Variants in PDS5A observed in about 807,000 individuals in gnomAD.
PDS5A encodes the protein sister chromatid cohesion protein PDS5 homolog A.
In PDS5A, 42 loss-of-function variants were observed where a neutral mutation model predicts 167.1. The ratio of observed to expected loss-of-function variants is 0.25; its 90% confidence interval spans 0.20 to 0.33. The LOEUF (loss-of-function observed/expected upper bound fraction) is 0.33. Among genes scored for constraint, PDS5A ranks in the 10% least tolerant of loss-of-function variants. PDS5A has a pLI of 1.00. For missense variants in PDS5A, 1,033 were observed against 1,605.9 expected, an observed-to-expected ratio of 0.64 and a Z score of 6.10; for synonymous variants, 553 against 554.6, an observed-to-expected ratio of 1.00 and a Z score of 0.04.
intron 2 of PDS5A, 80 bp from the exon 3 acceptor site, chr4:39,928,244 A>C: frequency 1.1e-6 from 1 of 906,866 alleles, no homozygotes; most frequent in Non-Finnish European, 1.7e-6. Context: ...AAAAAAAAAA[A>C]AGTCATCTCC....
chr4:39,869,866 G>T (rs931840885), intron 21 of PDS5A, among the ~76,000 whole-genome samples: 1 of 152,158 alleles, frequency 6.6e-6, no homozygotes, highest in Admixed American at 6.5e-5. Flanking sequence ...CAGCACTATG[G>T]GGGGATGAGG....
intron 2 of PDS5A, among the ~76,000 whole-genome samples, chr4:39,972,080 A>G (rs1461587055): frequency 3.3e-5 from 5 of 152,224 alleles, no homozygotes; most frequent in Non-Finnish European, 5.9e-5. Context: ...AAAAGAACTC[A>G]TAACAAATGG....
At chr4:39,943,123 TACACACACACACACACACACACACACAC>T (rs35361618) in intron 2 of PDS5A, among the ~76,000 whole-genome samples, 2 of 144,932 alleles carry the variant, frequency 1.4e-5, no homozygotes, top group Middle Eastern at 3.5e-3. Flanking sequence ...ACTATGCAAA[TACACACACACACACACACACACACACAC>T]ACACACACAC....
At chr4:39,970,832 C>G (rs140623714) in intron 2 of PDS5A, among the ~76,000 whole-genome samples, 1 of 135,620 alleles carries the variant, frequency 7.4e-6, no homozygotes, top group Non-Finnish European at 1.5e-5. Flanking sequence ...AGGTCTCACT[C>G]GGTCACCCAG....
At chr4:39,896,259 T>C (rs1722401697) in intron 16 of PDS5A, among the ~76,000 whole-genome samples, 1 of 150,088 alleles carries the variant, frequency 6.7e-6, no homozygotes, top group Admixed American at 6.7e-5. Flanking sequence ...TTGCCCAGGT[T>C]GGTCTCAAAT....
chr4:39,957,329 A>G (rs1260945091), intron 2 of PDS5A, among the ~76,000 whole-genome samples: 2 of 152,064 alleles, frequency 1.3e-5, no homozygotes, highest in Non-Finnish European at 2.9e-5. Context: ...GAAAAAAAAG[A>G]AAAAGAAAAA....
chr4:39,850,773 T>C (rs1208555745), intron 26 of PDS5A, among the ~76,000 whole-genome samples: 1 of 152,202 alleles, frequency 6.6e-6, no homozygotes, highest in Non-Finnish European at 1.5e-5. Context: ...GAAGGGAACA[T>C]TTGAATTTCT....
chr4:39,839,320 C>T (rs1452835832), intron 31 of PDS5A, among the ~76,000 whole-genome samples: 1 of 151,816 alleles, frequency 6.6e-6, no homozygotes, highest in African/African-American at 2.4e-5. Flanking sequence ...GGCTGTAATC[C>T]CAGCACTTTG....
intron 19 of PDS5A, 109 bp from the exon 20 acceptor site, chr4:39,874,521 T>G: frequency 6.0e-6 from 5 of 839,330 alleles, no homozygotes; most frequent in Non-Finnish European, 9.3e-6. Context: ...TAGAGAAGGC[T>G]CTCTTAAAAA....
At chr4:39,825,510 CAA>C in intron 32 of PDS5A, 22 bp from the exon 33 acceptor site, 1 of 1,551,260 alleles carries the variant, frequency 6.4e-7, no homozygotes, top group South Asian at 1.2e-5. Context: ...GAATAGAACG[CAA>C]AGTTAGAAAA....
At chr4:39,948,068 A>ATTT (rs1560508917) in intron 2 of PDS5A, among the ~76,000 whole-genome samples, 9 of 152,076 alleles carry the variant, frequency 5.9e-5, no homozygotes, top group Admixed American at 2.0e-4. Flanking sequence ...CTGGGCAACA[A>ATTT]CTGCAAGACC....
At chr4:39,965,192 C>G (rs530804143) in intron 2 of PDS5A, among the ~76,000 whole-genome samples, 2 of 152,266 alleles carry the variant, frequency 1.3e-5, no homozygotes, top group South Asian at 4.2e-4. Context: ...TGGCAACCTC[C>G]TCCATGGTGT....
rs1445047802 is a variant in PDS5A, at chr4:39,977,005, G to C, written c.-40-388C>G. 6.6e-6 allele frequency among the ~76,000 whole-genome samples: 1 copy of C among 152,166 alleles called. No individual in the cohort carries two copies. The highest frequency in any genetic ancestry group is 1.5e-5 in the Non-Finnish European group (1 of 68,008). Reference sequence around the variant, plus strand: ...GTCCCGCCCGGCCAGTCCCCTCCGGGAAACCAGACCCGAGGCCTATAGGGC... The same window carrying C: ...GTCCCGCCCGGCCAGTCCCCTCCGGCAAACCAGACCCGAGGCCTATAGGGC... On this transcript the variant is annotated intron_variant, in intron 1 of 32. Coordinates refer to ENST00000303538, the MANE Select transcript of PDS5A (RefSeq NM_001100399.2). The surrounding 1 kb of genome is among the most constrained non-coding windows in gnomAD (Gnocchi z 4.2).
At chr4:39,848,800 G>A in intron 28 of PDS5A, 51 bp downstream of exon 28, 1 of 1,468,936 alleles carries the variant, frequency 6.8e-7, no homozygotes, top group Non-Finnish European at 9.3e-7. Flanking sequence ...GATGGTAATT[G>A]ACATTGAAAT....
chr4:39,928,302 A>C (rs535181765), intron 2 of PDS5A, 138 bp from the exon 3 acceptor site: 2 of 592,348 alleles, frequency 3.4e-6, no homozygotes, highest in South Asian at 4.4e-5. Context: ...CTTTTTATAA[A>C]TCTTCATTTA....
Position 39,913,729 on chromosome 4 carries a change from A to C in PDS5A, c.877-3T>G, listed in dbSNP as rs1724095771. On this transcript the variant is annotated splice_region_variant and splice_polypyrimidine_tract_variant and intron_variant, in intron 8 of 32. Coordinates refer to ENST00000303538, the MANE Select transcript of PDS5A (RefSeq NM_001100399.2). Reference sequence around the variant, plus strand: ...AATCGCTCTTCTCCATCATTGCTCTAAGAAGGGAAAACAGAAAGTGAAGCC... The same window carrying C: ...AATCGCTCTTCTCCATCATTGCTCTCAGAAGGGAAAACAGAAAGTGAAGCC... 6.7e-7 allele frequency: 1 copy of C among 1,484,366 alleles called. No homozygotes were observed. The highest frequency in any genetic ancestry group is 1.7e-5 in the Admixed American group (1 of 59,796). The allele number at this position is 1,484,366 out of a possible 1,614,324, so 91.9% of individuals were successfully genotyped here.
chr4:39,931,087 C>T (rs1007496795), intron 2 of PDS5A, among the ~76,000 whole-genome samples: 1 of 152,064 alleles, frequency 6.6e-6, no homozygotes, highest in Non-Finnish European at 1.5e-5. Context: ...TCAGGAGGAT[C>T]GCTTGAGCCC....
chr4:39,872,413 C>T (rs1057341527), intron 21 of PDS5A, among the ~76,000 whole-genome samples: 15 of 151,964 alleles, frequency 9.9e-5, no homozygotes, highest in African/African-American at 3.6e-4. Flanking sequence ...ACCTGTAATC[C>T]CAGCACTTGG....
At chr4:39,960,200 C>CG (rs1729350586) in intron 2 of PDS5A, among the ~76,000 whole-genome samples, 3 of 151,822 alleles carry the variant, frequency 2.0e-5, no homozygotes, top group Admixed American at 1.3e-4. Flanking sequence ...ACCCAGGAGG[C>CG]AAAGGTTGCA....
Sources: allele counts gnomAD v4.1 joint callset (sites outside exome capture counted in the v4.1 genomes callset), GRCh38; gene constraint gnomAD v4.1.1; non-coding constraint Gnocchi (gnomAD v3.1); transcripts MANE v1.5; gene names NCBI Gene and HGNC (gene_info 2026-07-23, HGNC 2026-07-21).